Variants in GALNT2 observed in about 807,000 individuals in gnomAD.
GALNT2 encodes UDP-GalNAc:polypeptide N-acetylgalactosaminyltransferase 2.
A neutral mutation model predicts 81.4 loss-of-function variants in GALNT2; 31 were observed. The ratio of observed to expected loss-of-function variants is 0.38; its 90% CI spans 0.29 to 0.51. GALNT2 has a LOEUF of 0.51. Among genes scored for constraint, GALNT2 ranks in the 20% least tolerant of loss-of-function variants. The pLI is 0.87. For missense variants in GALNT2, 629 were observed against 765.7 expected, an observed-to-expected ratio of 0.82 and a Z score of 2.11; for synonymous variants, 303 against 287.4, an observed-to-expected ratio of 1.05 and a Z score of -0.55.
intron 3 of GALNT2, among the ~76,000 whole-genome samples, chr1:230,222,170 G>A (rs1330525645): frequency 6.6e-6 from 1 of 151,872 alleles, no homozygotes; most frequent in Non-Finnish European, 1.5e-5. Context: ...GGGACTACAG[G>A]CGTCCACCAC....
At chr1:230,190,794 A>T (rs1290211593) in intron 2 of GALNT2, among the ~76,000 whole-genome samples, 6 of 152,102 alleles carry the variant, frequency 3.9e-5, no homozygotes, top group Admixed American at 3.9e-4. Flanking sequence ...AACATCTCCT[A>T]TAGCATTTTA....
rs75073653 is a variant in GALNT2 at position 230,169,160 on chromosome 1, A to G, written c.127-9058A>G. On this transcript the variant is annotated intron_variant, in intron 1 of 15. Transcript: ENST00000366672. ...AAACAAGTTGTTGAATGAGTTAATT[A>G]TGGAGAGAAAGGGAAGTTTAGTACC... Among the ~76,000 whole-genome samples the G allele has an allele frequency of 5.3e-3, 802 of 152,348 alleles. 10 individuals are homozygous for G. The highest frequency in any genetic ancestry group is 0.019 in the African/African-American group (781 of 41,584).
chr1:230,186,476 T>G (rs943468852), intron 2 of GALNT2, among the ~76,000 whole-genome samples: 1 of 152,246 alleles, frequency 6.6e-6, no homozygotes, highest in Admixed American at 6.5e-5. Flanking sequence ...AGCATCTGAA[T>G]AGAATAGTTA....
At chr1:230,263,115 A>C (rs1572152901) in intron 13 of GALNT2, 110 bp downstream of exon 13, 1 of 867,264 alleles carries the variant, frequency 1.2e-6, no homozygotes, top group East Asian at 2.5e-5. Context: ...GAGATTGGGC[A>C]CCTGGGCCCC....
chr1:230,173,900 G>A (rs113675020), intron 1 of GALNT2, among the ~76,000 whole-genome samples: 43 of 152,258 alleles, frequency 2.8e-4, no homozygotes, highest in African/African-American at 9.6e-4. Flanking sequence ...TAAGTAGGGC[G>A]AGGATTTTTT....
At chr1:230,127,847 C>T (rs1457106249) in intron 1 of GALNT2, among the ~76,000 whole-genome samples, 5 of 152,170 alleles carry the variant, frequency 3.3e-5, no homozygotes, top group East Asian at 1.9e-4. Flanking sequence ...CTCATTACCA[C>T]GGTATTGCTG....
intron 2 of GALNT2, among the ~76,000 whole-genome samples, chr1:230,200,730 T>A (rs1278714653): frequency 6.6e-6 from 1 of 152,170 alleles, no homozygotes; most frequent in Non-Finnish European, 1.5e-5. Context: ...GACTTTGCTG[T>A]CCCCAGCACG....
At chr1:230,192,053 C>G (rs909983785) in intron 2 of GALNT2, among the ~76,000 whole-genome samples, 2 of 152,250 alleles carry the variant, frequency 1.3e-5, no homozygotes, top group African/African-American at 4.8e-5. Context: ...CTCTCAAAGT[C>G]AGAGACTCAG....
chr1:230,153,502 A>G (rs147671760), intron 1 of GALNT2, among the ~76,000 whole-genome samples: 87 of 152,326 alleles, frequency 5.7e-4, no homozygotes, highest in African/African-American at 8.4e-4. Context: ...AAAAACACCC[A>G]TAATGCTTTC....
intron 1 of GALNT2, among the ~76,000 whole-genome samples, chr1:230,124,934 G>T (rs574666676): frequency 6.6e-6 from 1 of 152,294 alleles, no homozygotes; most frequent in South Asian, 2.1e-4. Context: ...CCAAACACTG[G>T]AGGAGCACAC....
chr1:230,235,078 T>G (rs745411926), intron 3 of GALNT2, among the ~76,000 whole-genome samples: 5 of 151,918 alleles, frequency 3.3e-5, no homozygotes, highest in Non-Finnish European at 7.4e-5. Context: ...TAGCTGGATG[T>G]GGTGGCACAC....
intron 1 of GALNT2, among the ~76,000 whole-genome samples, chr1:230,131,897 G>T (rs149489362): frequency 1.1e-4 from 17 of 152,286 alleles, no homozygotes; most frequent in Non-Finnish European, 2.4e-4. Flanking sequence ...TGACCCAGAC[G>T]CAAGTGTTTC....
intron 1 of GALNT2, among the ~76,000 whole-genome samples, chr1:230,162,293 C>T (rs1662460217): frequency 6.6e-6 from 1 of 152,080 alleles, no homozygotes; most frequent in Non-Finnish European, 1.5e-5. Flanking sequence ...TGATCACCTA[C>T]CATATTCCAC....
At chr1:230,111,880 C>T (rs1183386220) in intron 1 of GALNT2, among the ~76,000 whole-genome samples, 2 of 151,726 alleles carry the variant, frequency 1.3e-5, no homozygotes, top group Non-Finnish European at 2.9e-5. Flanking sequence ...AAGTGGCCCC[C>T]AGGATTCACA....
intron 2 of GALNT2, among the ~76,000 whole-genome samples, chr1:230,182,149 A>G (rs747543378): frequency 4.7e-5 from 7 of 150,264 alleles, no homozygotes; most frequent in Non-Finnish European, 1.0e-4. Flanking sequence ...CTGGTTAGAG[A>G]TTCATTGATT....
intron 1 of GALNT2, among the ~76,000 whole-genome samples, chr1:230,078,829 G>A (rs1659642702): frequency 6.6e-6 from 1 of 151,972 alleles, no homozygotes; most frequent in African/African-American, 2.4e-5. Flanking sequence ...TTAGAGTCAG[G>A]GTCTCACCCT....
chr1:230,143,440 A>G (rs1661812977), intron 1 of GALNT2, among the ~76,000 whole-genome samples: 1 of 152,220 alleles, frequency 6.6e-6, no homozygotes, highest in Non-Finnish European at 1.5e-5. Context: ...CAGGTTCCAC[A>G]GTCACACAGC....
rs1403518854 is a variant in GALNT2, at chr1:230,250,577, A to G, written c.1009+17A>G. ...AGAACCTAGGTATGTACAAGCCTCA[A>G]ATCTCAGGACAGAGAAGTGCCTCAG... On this transcript the variant is annotated intron_variant, in intron 10 of 15. Coordinates refer to ENST00000366672, the MANE Select transcript of GALNT2 (RefSeq NM_004481.5). 1.9e-6 allele frequency: 3 copies of G among 1,588,068 alleles called. No homozygotes were observed. In the South Asian group the frequency reaches 3.4e-5, roughly 18 times the overall value.
At chr1:230,175,628 T>TCCTCCTCCTCCCCCTCCCTCTCCCCA (rs1176353495) in intron 1 of GALNT2, among the ~76,000 whole-genome samples, 1 of 82,828 alleles carries the variant, frequency 1.2e-5, no homozygotes. Flanking sequence ...CCCTCTCCCC[T>TCCTCCTCCTCCCCCTCCCTCTCCCCA]CCTCCTCCTT....
Sources: allele counts gnomAD v4.1 joint callset (sites outside exome capture counted in the v4.1 genomes callset), GRCh38; gene constraint gnomAD v4.1.1; transcripts MANE v1.5; gene names NCBI Gene and HGNC (gene_info 2026-07-23, HGNC 2026-07-21).